Variants in ZNF892 observed in about 807,000 individuals in gnomAD.
ZNF892 encodes zinc finger protein 892, also known as zinc finger protein 570-like.
At chr2:95,207,574 C>G in the ZNF892 span, 2 of 381,376 alleles carry the variant, frequency 5.2e-6, no homozygotes, top group Non-Finnish European at 9.3e-6. Context: ...TGTTAGATGC[C>G]TTTGTCGTCG....
the ZNF892 span, among the ~76,000 whole-genome samples, chr2:95,249,131 C>A: frequency 2.1e-4 from 32 of 149,564 alleles, 1 homozygote; most frequent in South Asian, 6.5e-3. Context: ...ATACTTTGAA[C>A]ACAGGGTTTT....
the ZNF892 span, among the ~76,000 whole-genome samples, chr2:95,242,032 C>T: frequency 6.6e-6 from 1 of 152,076 alleles, no homozygotes; most frequent in Non-Finnish European, 1.5e-5. Flanking sequence ...ATTGGGGTAC[C>T]TGAAAGAGAT....
At chr2:95,247,088 C>T in the ZNF892 span, among the ~76,000 whole-genome samples, 2 of 152,194 alleles carry the variant, frequency 1.3e-5, no homozygotes, top group African/African-American at 4.8e-5. Flanking sequence ...GGAAGCATCA[C>T]ACTACCCAAC....
At chr2:95,233,844 T>G in the ZNF892 span, among the ~76,000 whole-genome samples, 1 of 151,764 alleles carries the variant, frequency 6.6e-6, no homozygotes. Context: ...TCTTGGGGGC[T>G]AATTTTTGTA....
the ZNF892 span, among the ~76,000 whole-genome samples, chr2:95,234,728 C>T: frequency 1.3e-5 from 2 of 152,242 alleles, no homozygotes; most frequent in African/African-American, 4.8e-5. Context: ...CCCTTCCAGA[C>T]CTCACCCTGT....
chr2:95,243,022 G>A, the ZNF892 span, among the ~76,000 whole-genome samples: 9 of 152,298 alleles, frequency 5.9e-5, no homozygotes, highest in South Asian at 2.1e-4. Context: ...ACTGGTTTTC[G>A]TATTTTTTTG....
the ZNF892 span, among the ~76,000 whole-genome samples, chr2:95,211,929 C>A: frequency 6.6e-6 from 1 of 152,226 alleles, no homozygotes; most frequent in African/African-American, 2.4e-5. Context: ...TTGTAGCATC[C>A]TTCTTCTCAA....
chr2:95,250,931 G>A, the ZNF892 span, among the ~76,000 whole-genome samples: 3 of 145,804 alleles, frequency 2.1e-5, no homozygotes, highest in East Asian at 6.0e-4. Context: ...ATTTATATAA[G>A]CATTTATGTA....
the ZNF892 span, among the ~76,000 whole-genome samples, chr2:95,218,606 A>AT: frequency 1.3e-5 from 2 of 152,216 alleles, no homozygotes; most frequent in African/African-American, 4.8e-5. Context: ...ATTTTGAGGT[A>AT]TTTGTTACAG....
At chr2:95,222,857 T>C in the ZNF892 span, among the ~76,000 whole-genome samples, 1 of 152,210 alleles carries the variant, frequency 6.6e-6, no homozygotes, top group Non-Finnish European at 1.5e-5. Context: ...TTAGGAAATT[T>C]TTCTTCTAGT....
At chr2:95,218,730 G>A in the ZNF892 span, among the ~76,000 whole-genome samples, 1 of 152,208 alleles carries the variant, frequency 6.6e-6, no homozygotes, top group Non-Finnish European at 1.5e-5. Flanking sequence ...CCTGGAAGCT[G>A]TAAGTCTAAA....
chr2:95,253,093 A>C, the ZNF892 span, among the ~76,000 whole-genome samples: 1 of 152,326 alleles, frequency 6.6e-6, no homozygotes, highest in East Asian at 1.9e-4. Flanking sequence ...TAGTTTAATT[A>C]GATCCCATTT....
the ZNF892 span, among the ~76,000 whole-genome samples, chr2:95,222,361 A>G: frequency 3.3e-5 from 5 of 152,220 alleles, no homozygotes; most frequent in African/African-American, 9.6e-5. Flanking sequence ...TTGGAGTGAA[A>G]TGGTTAGGTC....
chr2:95,261,444 G>A, the ZNF892 span, among the ~76,000 whole-genome samples: 4 of 152,020 alleles, frequency 2.6e-5, no homozygotes, highest in Admixed American at 1.3e-4. Flanking sequence ...ACAGGCACCC[G>A]CCACCATGCC....
chr2:95,253,683 C>A, the ZNF892 span, among the ~76,000 whole-genome samples: 3 of 152,158 alleles, frequency 2.0e-5, no homozygotes, highest in Non-Finnish European at 4.4e-5. Context: ...GCAGTATGGG[C>A]ATTTTCACAA....
the ZNF892 span, among the ~76,000 whole-genome samples, chr2:95,240,686 C>G: frequency 6.6e-6 from 1 of 152,216 alleles, no homozygotes. Context: ...TCCATGGCAT[C>G]TCTTAAGATA....
the ZNF892 span, among the ~76,000 whole-genome samples, chr2:95,223,276 G>C: frequency 2.0e-5 from 3 of 152,072 alleles, no homozygotes; most frequent in African/African-American, 7.2e-5. Context: ...TTGACACTCA[G>C]TTGTTATCCA....
chr2:95,250,203 A>G, the ZNF892 span, among the ~76,000 whole-genome samples: 2 of 152,020 alleles, frequency 1.3e-5, no homozygotes, highest in Non-Finnish European at 1.5e-5. Flanking sequence ...ATCTATTTTT[A>G]TTGTGTATTT....
chr2:95,247,409 A>T, the ZNF892 span, among the ~76,000 whole-genome samples: 1 of 152,224 alleles, frequency 6.6e-6, no homozygotes, highest in South Asian at 2.1e-4. Flanking sequence ...AGAATCCTAG[A>T]AGAAAACCTA....
Sources: allele counts gnomAD v4.1 joint callset (sites outside exome capture counted in the v4.1 genomes callset), GRCh38; gene constraint gnomAD v4.1.1; transcripts MANE v1.5; gene names NCBI Gene and HGNC (gene_info 2026-07-23, HGNC 2026-07-21).